PPARGC1A: variants seen among roughly 807,000 people sequenced by gnomAD.
The protein encoded by PPARGC1A is PPARG coactivator 1 alpha, also known as peroxisome proliferator-activated receptor gamma coactivator 1-alpha.
PPARGC1A carries 25 observed loss-of-function variants against 88.7 expected under a neutral mutation model. The ratio of observed to expected loss-of-function variants is 0.28; its 90% CI spans 0.21 to 0.39. PPARGC1A has a LOEUF of 0.39. PPARGC1A is among the 10% of genes least tolerant of loss of function. The probability of loss-of-function intolerance (pLI) is 1.00; values close to 1 mark genes in which losing one functional copy is unlikely to be tolerated. For synonymous variants in PPARGC1A, 363 were observed against 355.6 expected (o/e 1.02, Z -0.24); for missense variants, 880 against 968.7 (o/e 0.91, Z 1.22).
chr4:24,037,500 T>A, the PPARGC1A span, among the ~76,000 whole-genome samples: 1 of 152,200 alleles, frequency 6.6e-6, no homozygotes, highest in Admixed American at 6.6e-5. Context: ...CATAGAAGCA[T>A]CAACTCCAAA....
At chr4:24,017,733 T>C in the PPARGC1A span, among the ~76,000 whole-genome samples, 1 of 152,182 alleles carries the variant, frequency 6.6e-6, no homozygotes. Flanking sequence ...TGTTCAACTT[T>C]TGGGTGTGTT....
chr4:23,862,574 G>T (rs1441360689), intron 2 of PPARGC1A, among the ~76,000 whole-genome samples: 2 of 152,172 alleles, frequency 1.3e-5, no homozygotes, highest in Non-Finnish European at 2.9e-5. Flanking sequence ...ACTGTAAAAT[G>T]AGGTAACACT....
chr4:23,980,686 G>T, the PPARGC1A span, among the ~76,000 whole-genome samples: 1 of 152,124 alleles, frequency 6.6e-6, no homozygotes, highest in African/African-American at 2.4e-5. Flanking sequence ...GGGACCCAAG[G>T]CATTTGGAGC....
At chr4:23,938,647 AAAG>A in the PPARGC1A span, among the ~76,000 whole-genome samples, 1 of 152,200 alleles carries the variant, frequency 6.6e-6, no homozygotes, top group Non-Finnish European at 1.5e-5. Context: ...GACCTGAAGA[AAAG>A]AAGGACACCA....
chr4:23,915,915 C>A, the PPARGC1A span, among the ~76,000 whole-genome samples: 2 of 152,198 alleles, frequency 1.3e-5, no homozygotes, highest in African/African-American at 4.8e-5. Context: ...CCTCCCTGTG[C>A]CTTCTATCAG....
the PPARGC1A span, among the ~76,000 whole-genome samples, chr4:24,126,933 A>C: frequency 6.6e-6 from 1 of 152,136 alleles, no homozygotes; most frequent in African/African-American, 2.4e-5. Context: ...CATCACACTC[A>C]GCCCTTTTAT....
chr4:24,215,046 G>A, the PPARGC1A span, among the ~76,000 whole-genome samples: 4 of 152,108 alleles, frequency 2.6e-5, no homozygotes, highest in African/African-American at 7.2e-5. Flanking sequence ...AATCACCATT[G>A]AACAGAGCCC....
chr4:23,918,384 G>A, the PPARGC1A span, among the ~76,000 whole-genome samples: 1 of 151,830 alleles, frequency 6.6e-6, no homozygotes, highest in Admixed American at 6.6e-5. Context: ...GTCATGCCCA[G>A]CTAATTTTTG....
chr4:24,111,655 C>T, the PPARGC1A span, among the ~76,000 whole-genome samples: 3 of 152,130 alleles, frequency 2.0e-5, no homozygotes, highest in Non-Finnish European at 2.9e-5. Flanking sequence ...TAGTAACAGC[C>T]GCAATAACTC....
chr4:24,310,940 A>T, the PPARGC1A span, among the ~76,000 whole-genome samples: 1 of 152,116 alleles, frequency 6.6e-6, no homozygotes, highest in Non-Finnish European at 1.5e-5. Flanking sequence ...TCAATGAGGT[A>T]AAAGAATGCA....
At chr4:24,154,858 A>C in the PPARGC1A span, among the ~76,000 whole-genome samples, 1 of 152,162 alleles carries the variant, frequency 6.6e-6, no homozygotes, top group Non-Finnish European at 1.5e-5. Flanking sequence ...AATGTCATTG[A>C]CTCTGAAGAG....
the PPARGC1A span, among the ~76,000 whole-genome samples, chr4:24,457,349 T>C: frequency 6.6e-6 from 1 of 152,168 alleles, no homozygotes; most frequent in Non-Finnish European, 1.5e-5. Context: ...CCAGAGAGAA[T>C]GAGAATGACC....
At chr4:24,188,187 G>A in the PPARGC1A span, among the ~76,000 whole-genome samples, 3 of 151,642 alleles carry the variant, frequency 2.0e-5, no homozygotes, top group Non-Finnish European at 4.4e-5. Flanking sequence ...TGTGAGCAGG[G>A]GGAGAAAAAT....
the PPARGC1A span, among the ~76,000 whole-genome samples, chr4:24,436,161 CG>C: frequency 4.6e-5 from 7 of 152,084 alleles, no homozygotes; most frequent in Non-Finnish European, 7.4e-5. Flanking sequence ...AAAGTGAAGC[CG>C]GTGAGATACT....
chr4:24,375,890 G>C, the PPARGC1A span, among the ~76,000 whole-genome samples: 7 of 152,140 alleles, frequency 4.6e-5, no homozygotes, highest in Admixed American at 2.6e-4. Context: ...GACAAACAGG[G>C]GGTCCAAGGG....
chr4:24,176,587 T>C, the PPARGC1A span, among the ~76,000 whole-genome samples: 1 of 152,114 alleles, frequency 6.6e-6, no homozygotes. Flanking sequence ...TTGAAAAACA[T>C]GTTTCCTGGA....
chr4:23,849,858 A>C (rs1264929786), intron 2 of PPARGC1A, among the ~76,000 whole-genome samples: 2 of 151,096 alleles, frequency 1.3e-5, no homozygotes, highest in Non-Finnish European at 2.9e-5. Context: ...AGGACACAGC[A>C]GTGGCCCTAA....
chr4:24,155,190 G>A, the PPARGC1A span, among the ~76,000 whole-genome samples: 1 of 151,562 alleles, frequency 6.6e-6, no homozygotes, highest in African/African-American at 2.4e-5. Flanking sequence ...ATTAAAATAT[G>A]ATAATGTATT....
the PPARGC1A span, among the ~76,000 whole-genome samples, chr4:24,088,114 C>A: frequency 4.0e-5 from 6 of 151,872 alleles, no homozygotes; most frequent in Admixed American, 3.3e-4. Context: ...TTTGGGAGGC[C>A]GAGGCAAGAG....
Sources: gnomAD v4.1 joint callset for allele counts (sites outside exome capture counted in the v4.1 genomes callset) on GRCh38, gnomAD v4.1.1 for gene constraint, MANE v1.5 for transcripts, NCBI Gene and HGNC (gene_info 2026-07-23, HGNC 2026-07-21) for gene names.